LRRC4C: variants seen among roughly 807,000 people sequenced by gnomAD.
LRRC4C encodes leucine rich repeat containing 4C, also known as leucine-rich repeat-containing protein 4C.
A neutral mutation model predicts 33.6 loss-of-function variants in LRRC4C; 5 were observed. That is an observed-to-expected ratio of 0.15 (90% CI 0.08 to 0.31). LRRC4C has a LOEUF of 0.31. LRRC4C is among the 10% of genes least tolerant of loss of function. The pLI, the probability that LRRC4C is intolerant of heterozygous loss-of-function variation, is 1.00. For missense variants in LRRC4C, 560 were observed against 796.7 expected (o/e 0.70, Z 3.58); for synonymous variants, 329 against 302.0 (o/e 1.09, Z -0.93).
At chr11:41,334,341 G>A (rs1262362829) in intron 1 of LRRC4C, among the ~76,000 whole-genome samples, 1 of 152,136 alleles carries the variant, frequency 6.6e-6, no homozygotes, top group Non-Finnish European at 1.5e-5. Flanking sequence ...TCCAGTCAGT[G>A]TTTTTTCATT....
intron 1 of LRRC4C, among the ~76,000 whole-genome samples, chr11:41,204,025 T>A (rs1428281747): frequency 6.6e-6 from 1 of 152,212 alleles, no homozygotes; most frequent in Non-Finnish European, 1.5e-5. Context: ...GACCTCATTT[T>A]TTTTTCTCCA....
At chr11:40,677,082 C>T (rs1944441524) in intron 2 of LRRC4C, among the ~76,000 whole-genome samples, 1 of 152,096 alleles carries the variant, frequency 6.6e-6, no homozygotes, top group African/African-American at 2.4e-5. Flanking sequence ...AAATTCTCTT[C>T]TTTCTTTACT....
At chr11:40,769,286 C>T (rs1591669355) in intron 2 of LRRC4C, among the ~76,000 whole-genome samples, 1 of 151,944 alleles carries the variant, frequency 6.6e-6, no homozygotes, top group African/African-American at 2.4e-5. Flanking sequence ...AATGAAAAAT[C>T]TGTACAATGG....
intron 3 of LRRC4C, among the ~76,000 whole-genome samples, chr11:40,578,180 C>G (rs1257266546): frequency 1.6e-5 from 1 of 62,178 alleles, no homozygotes; most frequent in East Asian, 5.6e-4. Flanking sequence ...TGCCTCTTAA[C>G]TAAGGATTTG....
chr11:40,495,417 A>T, intron 3 of LRRC4C, among the ~76,000 whole-genome samples: 1 of 152,196 alleles, frequency 6.6e-6, no homozygotes, highest in East Asian at 1.9e-4. Context: ...CCACACAAAT[A>T]ACCTTTGAGT....
chr11:40,207,556 C>A (rs1477152899), intron 5 of LRRC4C, among the ~76,000 whole-genome samples: 1 of 152,188 alleles, frequency 6.6e-6, no homozygotes, highest in Non-Finnish European at 1.5e-5. Flanking sequence ...GAGCAATGAT[C>A]ATGCCACTGC....
At chr11:40,208,210 G>A (rs912747693) in intron 5 of LRRC4C, among the ~76,000 whole-genome samples, 1 of 152,098 alleles carries the variant, frequency 6.6e-6, no homozygotes, top group Non-Finnish European at 1.5e-5. Flanking sequence ...TCAAGCAGAC[G>A]CTATACCAGT....
At chr11:41,011,954 T>TA (rs72413356) in intron 1 of LRRC4C, among the ~76,000 whole-genome samples, 1 of 149,882 alleles carries the variant, frequency 6.7e-6, no homozygotes, top group Non-Finnish European at 1.5e-5. Flanking sequence ...TTTTTTTTTT[T>TA]ATTGATACTT....
At chr11:41,098,373 T>C (rs1248286657) in intron 1 of LRRC4C, among the ~76,000 whole-genome samples, 2 of 152,174 alleles carry the variant, frequency 1.3e-5, no homozygotes, top group Non-Finnish European at 2.9e-5. Context: ...ATTATTGTAA[T>C]CTAAAATTAT....
chr11:41,212,682 A>C (rs2136324211), intron 1 of LRRC4C, among the ~76,000 whole-genome samples: 1 of 152,298 alleles, frequency 6.6e-6, no homozygotes, highest in South Asian at 2.1e-4. Flanking sequence ...CTGTCCCTGC[A>C]GTACTTTGCT....
intron 1 of LRRC4C, among the ~76,000 whole-genome samples, chr11:41,336,442 GA>G (rs34109085): frequency 0.05 from 7,371 of 148,664 alleles, 465 homozygotes; most frequent in African/African-American, 0.15. Context: ...AAAAGGTGGG[GA>G]AAAAAAAAAA....
At position 41,147,192 on chromosome 11, in the gene LRRC4C, A is replaced by G. The variant is rs1267482066; in HGVS notation, c.-495-213469T>C. Among the ~76,000 whole-genome samples, 8 of 152,284 alleles carry G rather than the reference A, an allele frequency of 5.3e-5. No individual in the cohort carries two copies. The East Asian group carries it at 1.5e-3, about 29-fold the overall frequency. ...CCATAAATGATTCCCTTCTGAGTTGAGTGTTAACTATGACTTCCAGAGCAC... is the reference window on the plus strand; with the variant it reads ...CCATAAATGATTCCCTTCTGAGTTGGGTGTTAACTATGACTTCCAGAGCAC... On this transcript the variant is annotated intron_variant, in intron 1 of 6. Transcript: ENST00000528697.
At chr11:40,740,165 T>C (rs1948089807) in intron 2 of LRRC4C, among the ~76,000 whole-genome samples, 1 of 152,008 alleles carries the variant, frequency 6.6e-6, no homozygotes. Flanking sequence ...TTATTTCCTT[T>C]GGATATATAC....
intron 3 of LRRC4C, among the ~76,000 whole-genome samples, chr11:40,349,747 T>G (rs1947303279): frequency 1.3e-5 from 2 of 152,166 alleles, no homozygotes; most frequent in African/African-American, 4.8e-5. Flanking sequence ...ATTGCCTGTC[T>G]TTTGGATAAA....
At chr11:40,387,535 T>C (rs1240737715) in intron 3 of LRRC4C, among the ~76,000 whole-genome samples, 2 of 152,212 alleles carry the variant, frequency 1.3e-5, no homozygotes, top group East Asian at 1.9e-4. Context: ...TTTTTCCTTA[T>C]ATTGTTTCAA....
intron 5 of LRRC4C, among the ~76,000 whole-genome samples, chr11:40,209,154 GTACATAAA>G (rs1863391444): frequency 6.6e-6 from 1 of 152,116 alleles, no homozygotes; most frequent in African/African-American, 2.4e-5. Context: ...TTGTGGTCTA[GTACATAAA>G]TTAGTATATT....
At chr11:40,157,870 A>G (rs1858834989) in intron 5 of LRRC4C, among the ~76,000 whole-genome samples, 1 of 152,164 alleles carries the variant, frequency 6.6e-6, no homozygotes, top group African/African-American at 2.4e-5. Context: ...AAAAAACTAA[A>G]GGTAAGAAAC....
chr11:41,353,285 C>T (rs1196456474), intron 1 of LRRC4C, among the ~76,000 whole-genome samples: 1 of 151,962 alleles, frequency 6.6e-6, no homozygotes, highest in East Asian at 1.9e-4. Context: ...TGAATAAATT[C>T]CTGGAAACAT....
chr11:40,465,283 G>A (rs897104662), intron 3 of LRRC4C, among the ~76,000 whole-genome samples: 1 of 151,900 alleles, frequency 6.6e-6, no homozygotes, highest in Non-Finnish European at 1.5e-5. Flanking sequence ...CCGGTCACAT[G>A]TCTCTCAGGA....
Sources: gnomAD v4.1 joint callset for allele counts (sites outside exome capture counted in the v4.1 genomes callset) on GRCh38, gnomAD v4.1.1 for gene constraint, MANE v1.5 for transcripts, NCBI Gene and HGNC (gene_info 2026-07-23, HGNC 2026-07-21) for gene names.